The following DCTN2 variants were observed in gnomAD, a reference collection of about 807,000 sequenced individuals.
DCTN2 encodes the protein 50 kDa dynein-associated polypeptide.
A neutral mutation model predicts 55.4 loss-of-function variants in DCTN2; 18 were observed. That is an observed-to-expected ratio of 0.32 (90% confidence interval 0.22 to 0.48). The LOEUF is 0.48. Ranked by LOEUF, DCTN2 falls within the 20% of genes least tolerant of loss-of-function variation. The pLI, the probability that DCTN2 is intolerant of heterozygous loss-of-function variation, is 0.99. For synonymous variants in DCTN2, 168 were observed against 185.2 expected, an observed-to-expected ratio of 0.91 and a Z score of 0.76; for missense variants, 390 against 491.0, an observed-to-expected ratio of 0.79 and a Z score of 1.94.
chr12:57,538,529 T>C, intron 2 of DCTN2: 1 of 760,416 alleles, frequency 1.3e-6, no homozygotes, highest in South Asian at 1.4e-5. Context: ...CAGCTCCTTG[T>C]GGTTTCCCCA....
chr12:57,533,324 A>G lies in DCTN2; in HGVS notation c.670-21T>C. 1.9e-6 allele frequency: 3 copies of G among 1,612,390 alleles called. No homozygotes were observed. In the South Asian group the frequency reaches 3.3e-5, roughly 18 times the overall value. ...GCGACCTAGTGGGAGGAAGGAGGTG[A>G]GATTTGCCATCTGCTTCCCTGCTGC... On this transcript the variant is annotated intron_variant, in intron 7 of 13. Transcript: ENST00000548249.
At chr12:57,545,309 CTA>C (rs998072960) in intron 2 of DCTN2, among the ~76,000 whole-genome samples, 11 of 151,864 alleles carry the variant, frequency 7.2e-5, no homozygotes, top group African/African-American at 2.7e-4. Flanking sequence ...TTTTTTCCTT[CTA>C]TATGTTTCCT....
rs779193851 is a variant in DCTN2, at chr12:57,532,042, C to G, written c.1092G>C (p.Leu364Phe). 1.9e-6 allele frequency: 3 copies of G among 1,565,368 alleles called. No homozygotes were observed. The highest frequency in any genetic ancestry group is 2.6e-6 in the Non-Finnish European group (3 of 1,154,278). The change falls in exon 13 of 14, where the codon TTG becomes TTC. Residue 364 changes from leucine (L) to phenylalanine (F), a missense_variant. Leu to Phe is a conservative substitution (Grantham distance 22, BLOSUM62 0). Around this residue, in one of 2 missense-constraint regions of DCTN2, gnomAD observed 273 missense variants for 303.2 expected, o/e 0.90. Coordinates refer to ENST00000548249, the MANE Select transcript of DCTN2 (RefSeq NM_001261413.2). The stretch of plus-strand genomic sequence containing the variant: ...GGGTCAAGAGGGTGGTATTGTCCTT[C>G]AAGGAATTAGCAATCATCTGCTGGG... The part of the protein sequence containing the change: ...DTTQQMIANS[L>F]KDNTTLLTQV...
chr12:57,532,133 T>C, intron 12 of DCTN2, 27 bp from the exon 13 acceptor site: 1 of 1,553,600 alleles, frequency 6.4e-7, no homozygotes, highest in African/African-American at 1.4e-5. Context: ...TGGTTGAGAC[T>C]TGAATCCAAG....
chr12:57,531,634 T>C (rs1225578491), intron 13 of DCTN2, among the ~76,000 whole-genome samples: 1 of 152,158 alleles, frequency 6.6e-6, no homozygotes, highest in Non-Finnish European at 1.5e-5. Flanking sequence ...AGAACGAGAT[T>C]AGGGCCTGCT....
chr12:57,547,012 C>A lies in DCTN2; in HGVS notation c.36+16G>T. The A allele has an allele frequency of 7.7e-7, 1 of 1,291,416 alleles. No individual in the cohort carries two copies. The allele number at this position is 1,291,416 out of a possible 1,614,324, so 80.0% of individuals were successfully genotyped here. A position where few individuals can be genotyped will look rare whatever the true frequency, so the allele number is the denominator to read the frequency against. On this transcript the variant is annotated intron_variant, in intron 1 of 13. Coordinates refer to ENST00000548249, the MANE Select transcript of DCTN2 (RefSeq NM_001261413.2). Reference sequence around the variant, plus strand: ...GGGGCGCGGTCCTGGGGAGCCGGGGCCGGTCCTGTACTCACAATGCCGGGA... The same window carrying A: ...GGGGCGCGGTCCTGGGGAGCCGGGGACGGTCCTGTACTCACAATGCCGGGA...
chr12:57,532,478 G>A (rs1879823177), intron 11 of DCTN2, 94 bp downstream of exon 11: 1 of 1,421,440 alleles, frequency 7.0e-7, no homozygotes, highest in African/African-American at 1.4e-5. Context: ...TATGAAGATG[G>A]GGACCTGAGG....
intron 2 of DCTN2, among the ~76,000 whole-genome samples, chr12:57,537,081 C>A (rs1316195674): frequency 6.6e-6 from 1 of 151,056 alleles, no homozygotes; most frequent in Non-Finnish European, 1.5e-5. Flanking sequence ...CCAAGTGATC[C>A]ACCCGCCTCG....
rs1204428600 is a variant in DCTN2 at position 57,530,490 on chromosome 12, CTGA to C, written c.*196_*198del. 1.6e-5 allele frequency: 8 copies of C among 515,050 alleles called. No homozygotes were observed. Among genetic ancestry groups the C allele is most frequent in the Non-Finnish European group, 2.4e-5 (7 of 288,196 alleles). The allele number at this position is 515,050 out of a possible 1,614,324, so 31.9% of individuals were successfully genotyped here. On this transcript the variant is annotated 3_prime_UTR_variant, in exon 14 of 14. Coordinates refer to ENST00000548249, the MANE Select transcript of DCTN2 (RefSeq NM_001261413.2). ...CCCAGGCCTGAGGGGAGACCACCTT[CTGA>C]TGATAACCAACCCCTAGCTACCACT...
rs1354508789 is a variant in DCTN2, at chr12:57,535,864, T to A, written c.106-19A>T. On this transcript the variant is annotated intron_variant, in intron 2 of 13. Transcript: ENST00000548249. ...GCTCCTCCTGCAAGAACAGGTAGTT[T>A]AGGCCAGGGACACACTCATTCCCAC... 1.9e-6 allele frequency: 3 copies of A among 1,594,414 alleles called. No individual in the cohort carries two copies. Among genetic ancestry groups the A allele is most frequent in the Non-Finnish European group, 2.6e-6 (3 of 1,165,666 alleles).
In DCTN2 at chr12:57,534,180, A is replaced by G; in HGVS notation, c.525-83T>C. 2.6e-6 allele frequency: 4 copies of G among 1,529,278 alleles called. No homozygotes were observed. In the South Asian group the frequency reaches 3.9e-5, roughly 15 times the overall value. The allele number at this position is 1,529,278 out of a possible 1,614,324, so 94.7% of individuals were successfully genotyped here. A position where few individuals can be genotyped will look rare whatever the true frequency, so the allele number is the denominator to read the frequency against. ...CCCTCACTTTTGCCTCATAATCAGC[A>G]TTAAGAAACATCTAAGCCACTTCTC... On this transcript the variant is annotated intron_variant, in intron 6 of 13. Transcript: ENST00000548249.
At chr12:57,531,042 C>T (rs1382776380) in intron 13 of DCTN2, among the ~76,000 whole-genome samples, 1 of 152,140 alleles carries the variant, frequency 6.6e-6, no homozygotes, top group African/African-American at 2.4e-5. Flanking sequence ...GTAATGAGAG[C>T]TAAATAAGAT....
intron 2 of DCTN2, among the ~76,000 whole-genome samples, chr12:57,541,962 G>A (rs1484191766): frequency 6.6e-6 from 1 of 152,208 alleles, no homozygotes; most frequent in East Asian, 1.9e-4. Flanking sequence ...TGCTAAAATT[G>A]TTTTAAAGGG....
Position 57,530,354 on chromosome 12 carries a change from T to TTA in DCTN2, c.*333_*334dup. 1 of 272,494 alleles carries TTA rather than the reference T, an allele frequency of 3.7e-6. No individual in the cohort carries two copies. Among genetic ancestry groups the TTA allele is most frequent in the Non-Finnish European group, 7.1e-6 (1 of 139,992 alleles). The allele number at this position is 272,494 out of a possible 1,614,324, so 16.9% of individuals were successfully genotyped here. On this transcript the variant is annotated 3_prime_UTR_variant, in exon 14 of 14. Transcript: ENST00000548249. Reference sequence around the variant, plus strand: ...AATGGTCAGAAACAGTTGTACAGTATTACAGTCAGCCACAGAAGCTGTGTT... The same window carrying TTA: ...AATGGTCAGAAACAGTTGTACAGTATTATACAGTCAGCCACAGAAGCTGTGTT...
At chr12:57,531,922 T>C in intron 13 of DCTN2, 93 bp downstream of exon 13, 17 of 1,527,670 alleles carry the variant, frequency 1.1e-5, no homozygotes, top group Non-Finnish European at 1.5e-5. Context: ...AACACCATGC[T>C]ACAAAATAGG....
At chr12:57,533,883 A>C (rs1407654700) in intron 7 of DCTN2, 70 bp downstream of exon 7, 2 of 1,478,806 alleles carry the variant, frequency 1.4e-6, no homozygotes, top group Non-Finnish European at 1.8e-6. Flanking sequence ...CTCTCCTTGG[A>C]GAGAGGCAGG....
intron 2 of DCTN2, chr12:57,543,770 C>G: frequency 7.8e-7 from 1 of 1,283,272 alleles, no homozygotes; most frequent in Non-Finnish European, 1.0e-6. Flanking sequence ...TTCAGCTCTT[C>G]TTGTATTTGC....
At chr12:57,540,343 A>C (rs1043289946) in intron 2 of DCTN2, among the ~76,000 whole-genome samples, 2 of 152,244 alleles carry the variant, frequency 1.3e-5, no homozygotes, top group African/African-American at 2.4e-5. Context: ...GAAAAGTGGT[A>C]TATTAGTTTG....
intron 2 of DCTN2, among the ~76,000 whole-genome samples, chr12:57,544,702 T>G (rs1170359389): frequency 6.6e-6 from 1 of 152,200 alleles, no homozygotes; most frequent in Non-Finnish European, 1.5e-5. Context: ...CTATTTTTTA[T>G]TTTTAAAAAA....
Sources: gnomAD v4.1 joint callset for allele counts (sites outside exome capture counted in the v4.1 genomes callset) on GRCh38, gnomAD v4.1.1 for gene constraint, gnomAD v4.1.1 regional missense constraint, MANE v1.5 for transcripts, NCBI Gene and HGNC (gene_info 2026-07-23, HGNC 2026-07-21) for gene names.